Variants in SLC37A1 observed in about 807,000 individuals in gnomAD.
SLC37A1 encodes glucose-6-phosphate exchanger SLC37A1.
Under a neutral mutation model 75.3 loss-of-function variants are expected in SLC37A1, and 49 were observed. The ratio of observed to expected loss-of-function variants is 0.65; its 90% CI spans 0.52 to 0.83. The LOEUF is 0.83. Among genes scored for constraint, SLC37A1 ranks in the 40% least tolerant of loss-of-function variants. SLC37A1 has a pLI of 0.00. For synonymous variants in SLC37A1, 268 were observed against 292.1 expected (o/e 0.92, Z 0.84); for missense variants, 566 against 695.0 (o/e 0.81, Z 2.09).
chr21:42,545,620 C>G lies in SLC37A1; in HGVS notation c.731-1483C>G, dbSNP rs2055387863. 6.6e-6 allele frequency among the ~76,000 whole-genome samples: 1 copy of G among 152,218 alleles called. No homozygotes were observed. The highest frequency in any genetic ancestry group is 6.5e-5 in the Admixed American group (1 of 15,290). ...AAGCTGTTCTCAAATGTGTCCCAGC[C>G]AAGGGACGTGTGTGCCCAAGTCCCT... On this transcript the variant is annotated intron_variant, in intron 8 of 19. Transcript: ENST00000352133. The surrounding 1 kb of genome is among the most constrained non-coding windows in gnomAD (Gnocchi z 4.0).
chr21:42,542,404 G>T lies in SLC37A1; in HGVS notation c.487G>T (p.Val163Phe). 2 of 1,613,792 alleles carry T rather than the reference G, an allele frequency of 1.2e-6. No homozygotes were observed. Among genetic ancestry groups the T allele is most frequent in the Non-Finnish European group, 1.7e-6 (2 of 1,179,848 alleles). ...HSFGFYVVTQVINGLVQTTGW... is the reference protein window; with the variant it reads ...HSFGFYVVTQFINGLVQTTGW... ...GTCTCTCCTTTGGCCTCTCCTGCAG[G>T]TCATCAACGGGCTGGTGCAGACCAC... The change falls in exon 7 of 20, where the codon GTC becomes TTC. Residue 163 changes from valine to phenylalanine, a missense_variant and splice_region_variant. Coordinates refer to ENST00000352133, the MANE Select transcript of SLC37A1 (RefSeq NM_001320537.2).
chr21:42,574,731 G>A, intron 17 of SLC37A1, 87 bp from the exon 18 acceptor site: 1 of 1,242,604 alleles, frequency 8.0e-7, no homozygotes. Context: ...TGTGAGTGAG[G>A]TGTTGAGCCC....
intron 6 of SLC37A1, among the ~76,000 whole-genome samples, chr21:42,540,068 C>T (rs2055236719): frequency 1.3e-5 from 2 of 152,072 alleles, no homozygotes; most frequent in African/African-American, 2.4e-5. Flanking sequence ...ACCAGGGGAG[C>T]GCCCCAAACC....
chr21:42,557,463 G>A lies in SLC37A1; in HGVS notation c.850-1495G>A, dbSNP rs1054071101. ...TCGCCATTCTTTGCTTTCACGTGCC[G>A]TGATGGGATTATCATCGGGAGCATG... On this transcript the variant is annotated intron_variant, in intron 10 of 19. Coordinates refer to ENST00000352133, the MANE Select transcript of SLC37A1 (RefSeq NM_001320537.2). Among the ~76,000 whole-genome samples, 4 of 152,282 alleles carry A rather than the reference G, an allele frequency of 2.6e-5. No individual in the cohort carries two copies. The East Asian group carries it at 5.8e-4, about 22-fold the overall frequency.
At chr21:42,543,689 C>A in intron 8 of SLC37A1, 87 bp downstream of exon 8, 2 of 1,377,580 alleles carry the variant, frequency 1.5e-6, no homozygotes, top group Non-Finnish European at 2.0e-6. Context: ...AGTGTGAGAG[C>A]TGCGTGGCCT....
chr21:42,517,694 C>T (rs2054549743), intron 1 of SLC37A1, among the ~76,000 whole-genome samples: 1 of 152,214 alleles, frequency 6.6e-6, no homozygotes, highest in African/African-American at 2.4e-5. Context: ...GCCCTGACTT[C>T]ATAATCAGGT....
rs1257298499 is a variant in SLC37A1 at position 42,562,044 on chromosome 21, T to C, written c.982-34T>C. On this transcript the variant is annotated intron_variant, in intron 11 of 19. Coordinates refer to ENST00000352133, the MANE Select transcript of SLC37A1 (RefSeq NM_001320537.2). ...TTTACACACACCTGCTGACTCCACA[T>C]TTGGAGGAGACGCCTGACTGCTCTC... is the stretch of plus-strand genomic sequence containing the variant. 3.8e-6 allele frequency: 6 copies of C among 1,564,358 alleles called. No homozygotes were observed. The African/African-American group carries it at 8.1e-5, about 21-fold the overall frequency.
rs752363627 is a variant in SLC37A1, at chr21:42,559,020, C to T, written c.912C>T (p.Val304=). ...DGKGSIHPNH[V]VILPGDGGSG... is the part of the protein sequence containing the mutation. The stretch of plus-strand genomic sequence containing the variant: ...AGGGCTCCATCCACCCGAACCACGT[C>T]GTCATTCTCCCCGGGGACGGTGGGA... The change falls in exon 11 of 20, where the codon GTC becomes GTT. Residue 304 remains valine (V), a synonymous_variant. Transcript: ENST00000352133. The T allele has an allele frequency of 6.2e-6, 10 of 1,613,786 alleles. No individual in the cohort carries two copies. In the East Asian group the frequency reaches 1.3e-4, roughly 22 times the overall value.
upstream of SLC37A1, among the ~76,000 whole-genome samples, chr21:42,513,402 CA>C (rs2054460330): frequency 6.6e-6 from 1 of 152,228 alleles, no homozygotes; most frequent in Admixed American, 6.5e-5. Context: ...TGCTAGTCTT[CA>C]TGATTGTGCC....
intron 18 of SLC37A1, chr21:42,575,593 G>A (rs1259935936): frequency 1.0e-6 from 1 of 985,218 alleles, no homozygotes; most frequent in Non-Finnish European, 1.2e-6. Context: ...CAGCTGTGAG[G>A]GGTGCATACA....
intron 2 of SLC37A1, among the ~76,000 whole-genome samples, chr21:42,519,101 G>A (rs2054584765): frequency 6.6e-6 from 1 of 152,186 alleles, no homozygotes; most frequent in Non-Finnish European, 1.5e-5. Context: ...TTCTGGGAGA[G>A]GAAAAACTTT....
chr21:42,529,446 T>C (rs1212020975), intron 3 of SLC37A1, among the ~76,000 whole-genome samples: 1 of 151,930 alleles, frequency 6.6e-6, no homozygotes, highest in Admixed American at 6.6e-5. Flanking sequence ...CCCAGCTACT[T>C]GGGAGACTGA....
intron 17 of SLC37A1, among the ~76,000 whole-genome samples, chr21:42,573,741 C>G (rs1296111401): frequency 6.6e-6 from 1 of 151,998 alleles, no homozygotes; most frequent in Non-Finnish European, 1.5e-5. Flanking sequence ...TATGTCAGTT[C>G]ATAGGTTGGT....
upstream of SLC37A1, among the ~76,000 whole-genome samples, chr21:42,512,008 A>T (rs372890227): frequency 9.9e-5 from 15 of 151,678 alleles, 4 homozygotes; most frequent in East Asian, 1.9e-4. Flanking sequence ...GCTCTAATGT[A>T]TAGTTAGTAA....
intron 3 of SLC37A1, among the ~76,000 whole-genome samples, chr21:42,533,098 G>A (rs377229547): frequency 6.0e-5 from 9 of 150,352 alleles, no homozygotes; most frequent in Admixed American, 7.3e-5. Flanking sequence ...CTCCTGAAGA[G>A]GGGGGGCAGG....
At chr21:42,566,197 G>A (rs1447174146) in intron 15 of SLC37A1, among the ~76,000 whole-genome samples, 1 of 152,218 alleles carries the variant, frequency 6.6e-6, no homozygotes, top group Non-Finnish European at 1.5e-5. Context: ...CCTTGGTGGG[G>A]CTGGCGGGGC....
At chr21:42,530,654 A>ACACACACACACACACACACACACAC (rs1161313598) in intron 3 of SLC37A1, among the ~76,000 whole-genome samples, 2 of 35,880 alleles carry the variant, frequency 5.6e-5, no homozygotes, top group Non-Finnish European at 1.0e-4. Flanking sequence ...ACACACACAC[A>ACACACACACACACACACACACACAC]CCCCCTCTGT....
At chr21:42,567,743 C>T (rs985019366) in intron 16 of SLC37A1, among the ~76,000 whole-genome samples, 3 of 152,016 alleles carry the variant, frequency 2.0e-5, no homozygotes, top group African/African-American at 7.3e-5. Flanking sequence ...GCACTGTTTC[C>T]CCTGATCTTT....
At chr21:42,560,675 G>C (rs1368490350) in intron 11 of SLC37A1, among the ~76,000 whole-genome samples, 1 of 152,234 alleles carries the variant, frequency 6.6e-6, no homozygotes, top group East Asian at 1.9e-4. Flanking sequence ...TCCCAGCCCA[G>C]GGTGGGCACC....
Sources: gnomAD v4.1 joint callset for allele counts (sites outside exome capture counted in the v4.1 genomes callset) on GRCh38, gnomAD v4.1.1 for gene constraint, Gnocchi (gnomAD v3.1) non-coding constraint, MANE v1.5 for transcripts, NCBI Gene and HGNC (gene_info 2026-07-23, HGNC 2026-07-21) for gene names.